CACNA2D1: variants seen among roughly 807,000 people sequenced by gnomAD.
The protein encoded by CACNA2D1 is voltage-dependent calcium channel subunit alpha-2/delta-1.
In CACNA2D1, 53 loss-of-function variants were observed where a neutral mutation model predicts 171.5. That is an observed-to-expected ratio of 0.31 (90% CI 0.25 to 0.39). CACNA2D1 has a LOEUF of 0.39. Among genes scored for constraint, CACNA2D1 ranks in the 10% least tolerant of loss-of-function variants. CACNA2D1 has a pLI of 1.00. For synonymous variants in CACNA2D1, 442 were observed against 443.1 expected, an observed-to-expected ratio of 1.00 and a Z score of 0.03; for missense variants, 903 against 1,299.8, an observed-to-expected ratio of 0.69 and a Z score of 4.69.
At chr7:82,032,659 T>A (rs1802847503) in intron 12 of CACNA2D1, 138 bp downstream of exon 12, 1 of 575,608 alleles carries the variant, frequency 1.7e-6, no homozygotes, top group South Asian at 2.3e-5. Flanking sequence ...TAGTTTATAA[T>A]CTATGATTCA....
At position 82,149,889 on chromosome 7, in the gene CACNA2D1, G is replaced by A. The variant is rs189056834; in HGVS notation, c.355-13213C>T. The stretch of plus-strand genomic sequence containing the variant: ...GGAGAATGGCGTGAACCCGGGAGGC[G>A]GAGCTTGCAGTCAGCCGAGATCGCG... On this transcript the variant is annotated intron_variant, in intron 4 of 38. Coordinates refer to ENST00000356860, the MANE Select transcript of CACNA2D1 (RefSeq NM_000722.4). Among the ~76,000 whole-genome samples the A allele has an allele frequency of 3.1e-3, 474 of 151,984 alleles. 4 individuals carry two copies. Among genetic ancestry groups the A allele is most frequent in the African/African-American group, 0.011 (458 of 41,452 alleles).
At chr7:81,970,428 CTT>C (rs1473426313) in intron 27 of CACNA2D1, among the ~76,000 whole-genome samples, 1 of 151,524 alleles carries the variant, frequency 6.6e-6, no homozygotes, top group African/African-American at 2.4e-5. Context: ...AGAAAAATCT[CTT>C]TAAACGTCTC....
Position 81,997,246 on chromosome 7 carries a change from G to C in CACNA2D1, c.1595C>G (p.Pro532Arg), listed in dbSNP as rs1258960598. ...CAATGTTACTGGCTCCTGAGATTTGGGGTTCTACACAGAAAACAATAATAA... is the reference window on the plus strand; with the variant it reads ...CAATGTTACTGGCTCCTGAGATTTGCGGTTCTACACAGAAAACAATAATAA... ...LLHPNLQPKN[P>R]KSQEPVTLDF... is the part of the protein sequence containing the mutation. Residue 532 changes from proline to arginine, a missense_variant, in exon 19 of 39, where the codon CCC (proline) becomes CGC (arginine). Pro to Arg is a moderately radical substitution (Grantham distance 103, BLOSUM62 -2). Coordinates refer to ENST00000356860, the MANE Select transcript of CACNA2D1 (RefSeq NM_000722.4). The C allele has an allele frequency of 3.8e-6, 6 of 1,591,060 alleles. No homozygotes were observed. Among genetic ancestry groups the C allele is most frequent in the Non-Finnish European group, 5.2e-6 (6 of 1,159,536 alleles).
intron 10 of CACNA2D1, among the ~76,000 whole-genome samples, chr7:82,057,487 C>T (rs1259446767): frequency 6.6e-6 from 1 of 151,788 alleles, no homozygotes; most frequent in Non-Finnish European, 1.5e-5. Context: ...CTATCAGGGT[C>T]CCAGAAAGAA....
At chr7:82,362,902 C>A (rs1199952531) in intron 1 of CACNA2D1, among the ~76,000 whole-genome samples, 2 of 152,166 alleles carry the variant, frequency 1.3e-5, no homozygotes, top group Non-Finnish European at 2.9e-5. Context: ...TCAAATACTT[C>A]CTGCAATGGG....
chr7:82,442,915 A>T (rs1430278011), intron 1 of CACNA2D1, among the ~76,000 whole-genome samples: 1 of 152,240 alleles, frequency 6.6e-6, no homozygotes, highest in Admixed American at 6.5e-5. Flanking sequence ...TCCGAGGCCA[A>T]GTGCGGGGGA....
chr7:82,202,811 G>A (rs758768914), intron 3 of CACNA2D1, among the ~76,000 whole-genome samples: 3 of 145,148 alleles, frequency 2.1e-5, no homozygotes, highest in Admixed American at 6.8e-5. Flanking sequence ...AGGGGTCCGC[G>A]CTGTAAAGAC....
intron 7 of CACNA2D1, among the ~76,000 whole-genome samples, chr7:82,081,302 T>G (rs1809736556): frequency 6.6e-6 from 1 of 152,170 alleles, no homozygotes; most frequent in Non-Finnish European, 1.5e-5. Context: ...CCCCAAAAAT[T>G]TTTTAATCAT....
chr7:82,398,215 GAAGA>G (rs756689444), intron 1 of CACNA2D1, among the ~76,000 whole-genome samples: 4 of 152,140 alleles, frequency 2.6e-5, no homozygotes, highest in Non-Finnish European at 5.9e-5. Flanking sequence ...AAAAAGTAAG[GAAGA>G]AAGAACACAG....
chr7:82,443,698 G>C lies in CACNA2D1; in HGVS notation c.-239C>G, dbSNP rs1315825358. On this transcript the variant is annotated 5_prime_UTR_variant, in exon 1 of 39. Coordinates refer to ENST00000356860, the MANE Select transcript of CACNA2D1 (RefSeq NM_000722.4). ...CGTGCGTCGGCTGCTCCGCGCCGCG[G>C]CCGCCTTGCCTCCGCCGCCATCAAG... 8.1e-7 allele frequency: 1 copy of C among 1,236,028 alleles called. No individual in the cohort carries two copies. The highest frequency in any genetic ancestry group is 1.0e-6 in the Non-Finnish European group (1 of 992,018). The allele number at this position is 1,236,028 out of a possible 1,614,324, so 76.6% of individuals were successfully genotyped here.
chr7:82,280,973 T>C (rs78684887), intron 3 of CACNA2D1, among the ~76,000 whole-genome samples: 1 of 152,352 alleles, frequency 6.6e-6, no homozygotes, highest in East Asian at 1.9e-4. Context: ...TTGGGTTTCC[T>C]TTAGCTGCAA....
At chr7:81,968,773 T>C (rs1225182798) in intron 29 of CACNA2D1, 114 bp downstream of exon 29, 1 of 714,086 alleles carries the variant, frequency 1.4e-6, no homozygotes, top group African/African-American at 1.8e-5. Context: ...TGCATGCCTT[T>C]ATTTTGTTTG....
chr7:82,369,216 C>G (rs2299181), intron 1 of CACNA2D1, among the ~76,000 whole-genome samples: 10 of 151,868 alleles, frequency 6.6e-5, no homozygotes, highest in African/African-American at 2.4e-4. Context: ...TTTAAGCTTC[C>G]TGCAGACAGT....
In CACNA2D1 at chr7:82,096,476, C is replaced by A. The variant is rs539369329; in HGVS notation, c.527-11576G>T. Among the ~76,000 whole-genome samples, 9 of 151,800 alleles carry A rather than the reference C, an allele frequency of 5.9e-5. No individual in the cohort carries two copies. The East Asian group carries it at 1.5e-3, about 26-fold the overall frequency. Reference sequence around the variant, plus strand: ...CCATAGAGATTGACTAGGTGGCTACCGTAAATCAAGTTCTCAGGAATATCC... The same window carrying A: ...CCATAGAGATTGACTAGGTGGCTACAGTAAATCAAGTTCTCAGGAATATCC... On this transcript the variant is annotated intron_variant, in intron 6 of 38. Transcript: ENST00000356860.
chr7:82,414,903 C>T (rs765938152), intron 1 of CACNA2D1, among the ~76,000 whole-genome samples: 2 of 152,114 alleles, frequency 1.3e-5, no homozygotes, highest in Non-Finnish European at 2.9e-5. Context: ...TGACAATGCA[C>T]ATATTAACAA....
chr7:82,095,897 G>A (rs532965709), intron 6 of CACNA2D1, among the ~76,000 whole-genome samples: 1 of 152,070 alleles, frequency 6.6e-6, no homozygotes, highest in Non-Finnish European at 1.5e-5. Flanking sequence ...TTCAAGTTCT[G>A]TGATAAAATC....
intron 6 of CACNA2D1, among the ~76,000 whole-genome samples, chr7:82,105,222 A>T (rs1563055242): frequency 6.6e-6 from 1 of 152,028 alleles, no homozygotes; most frequent in Non-Finnish European, 1.5e-5. Flanking sequence ...TCTCATTTAA[A>T]ATACTAAGAG....
At chr7:82,108,245 T>C (rs749617378) in intron 6 of CACNA2D1, among the ~76,000 whole-genome samples, 8 of 152,224 alleles carry the variant, frequency 5.3e-5, no homozygotes, top group Non-Finnish European at 7.3e-5. Flanking sequence ...ACAAATTTTA[T>C]TTATTCCTAG....
chr7:81,970,598 C>T, intron 27 of CACNA2D1, 77 bp downstream of exon 27: 2 of 813,386 alleles, frequency 2.5e-6, no homozygotes, highest in Non-Finnish European at 2.2e-6. Context: ...AGAATGGCTT[C>T]CTTAAGCAGT....
Sources: gnomAD v4.1 joint callset for allele counts (sites outside exome capture counted in the v4.1 genomes callset) on GRCh38, gnomAD v4.1.1 for gene constraint, MANE v1.5 for transcripts, NCBI Gene and HGNC (gene_info 2026-07-23, HGNC 2026-07-21) for gene names.